BMPER: variants seen among roughly 807,000 people sequenced by gnomAD.
BMPER encodes the protein BMP binding endothelial regulator.
BMPER carries 45 observed loss-of-function variants against 87.3 expected under a neutral mutation model. The ratio of observed to expected loss-of-function variants is 0.52; its 90% CI spans 0.41 to 0.66. The LOEUF is 0.66. Among genes scored for constraint, BMPER ranks in the 30% least tolerant of loss-of-function variants. The pLI is 0.00. For synonymous variants in BMPER, 326 were observed against 316.2 expected (o/e 1.03, Z -0.33); for missense variants, 784 against 867.5 (o/e 0.90, Z 1.21).
At chr7:33,958,917 G>C (rs890159637) in intron 3 of BMPER, among the ~76,000 whole-genome samples, 3 of 152,126 alleles carry the variant, frequency 2.0e-5, no homozygotes, top group Non-Finnish European at 4.4e-5. Flanking sequence ...TAATTGAATG[G>C]TGGGGGCAGT....
intron 11 of BMPER, among the ~76,000 whole-genome samples, chr7:34,073,667 A>G (rs900595565): frequency 6.6e-6 from 1 of 152,254 alleles, no homozygotes; most frequent in Admixed American, 6.5e-5. Flanking sequence ...AAGGAAGAAA[A>G]TAATATATCA....
At chr7:33,943,784 G>C (rs1312864781) in intron 3 of BMPER, among the ~76,000 whole-genome samples, 1 of 152,036 alleles carries the variant, frequency 6.6e-6, no homozygotes, top group East Asian at 1.9e-4. Flanking sequence ...CCATCTAACG[G>C]ATTCCCCCAC....
chr7:34,024,384 A>ATATATAT (rs1787293391), intron 6 of BMPER, among the ~76,000 whole-genome samples: 1 of 23,430 alleles, frequency 4.3e-5, no homozygotes, highest in African/African-American at 2.1e-4. Context: ...AAAAAAAAAC[A>ATATATAT]ATATATATAT....
rs143888903 is a variant in BMPER, at chr7:34,132,532, A to C, written c.1746-10698A>C. On this transcript the variant is annotated intron_variant, in intron 13 of 14. Coordinates refer to ENST00000649409, the MANE Select transcript of BMPER (RefSeq NM_001365308.1). ...CCAGCCCACAGGTTGCACACAGCGG[A>C]TATTCTCTTGGTGTTTGTTGAGGGG... is the stretch of plus-strand genomic sequence containing the variant. 2.4e-4 allele frequency among the ~76,000 whole-genome samples: 37 copies of C among 152,274 alleles called. No homozygotes were observed. The East Asian group carries it at 7.1e-3, about 29-fold the overall frequency.
intron 11 of BMPER, among the ~76,000 whole-genome samples, chr7:34,064,363 C>G (rs1180573364): frequency 6.6e-6 from 1 of 151,806 alleles, no homozygotes; most frequent in African/African-American, 2.4e-5. Context: ...TTGCAAGGAT[C>G]AAATAGGTGA....
chr7:33,941,751 C>T (rs542443639), intron 3 of BMPER, among the ~76,000 whole-genome samples: 31 of 152,272 alleles, frequency 2.0e-4, no homozygotes, highest in South Asian at 1.9e-3. Context: ...GATGAAGCTT[C>T]GCTCATTTGC....
chr7:34,093,944 G>A (rs1417635500), intron 13 of BMPER, among the ~76,000 whole-genome samples: 1 of 152,124 alleles, frequency 6.6e-6, no homozygotes, highest in East Asian at 1.9e-4. Context: ...GCTGACATGA[G>A]GAGTGTTTTC....
chr7:34,004,997 G>C (rs770117966), intron 6 of BMPER, among the ~76,000 whole-genome samples: 5 of 152,082 alleles, frequency 3.3e-5, no homozygotes, highest in East Asian at 1.9e-4. Context: ...TCAGTATCTT[G>C]TTAACTCCTG....
intron 6 of BMPER, among the ~76,000 whole-genome samples, chr7:33,999,897 C>T (rs1234867423): frequency 6.6e-6 from 1 of 152,196 alleles, no homozygotes; most frequent in Non-Finnish European, 1.5e-5. Flanking sequence ...ATTCTCAGAA[C>T]TTAAAAGGCC....
In BMPER at chr7:34,046,210, T is replaced by C. The variant is rs1048468446; in HGVS notation, c.577-96T>C. 2.1e-5 allele frequency: 24 copies of C among 1,169,816 alleles called. No individual in the cohort carries two copies. In the African/African-American group the frequency reaches 3.5e-4, roughly 17 times the overall value. The allele number at this position is 1,169,816 out of a possible 1,614,324, so 72.5% of individuals were successfully genotyped here. ...AGCAGTCAGTCTAGGGACCTAATACTATGGAAGGGCCTTAGGTTTGTTCTA... is the reference window on the plus strand; with the variant it reads ...AGCAGTCAGTCTAGGGACCTAATACCATGGAAGGGCCTTAGGTTTGTTCTA... On this transcript the variant is annotated intron_variant, in intron 6 of 14. Coordinates refer to ENST00000649409, the MANE Select transcript of BMPER (RefSeq NM_001365308.1).
At chr7:34,134,083 G>T (rs964295083) in intron 13 of BMPER, among the ~76,000 whole-genome samples, 2 of 152,110 alleles carry the variant, frequency 1.3e-5, no homozygotes, top group Admixed American at 6.5e-5. Flanking sequence ...GGCCCATCTC[G>T]CCCTGCCCTT....
intron 2 of BMPER, 128 bp from the exon 3 acceptor site, chr7:33,937,161 C>T: frequency 2.1e-6 from 2 of 935,458 alleles, no homozygotes; most frequent in African/African-American, 1.6e-5. Context: ...CCTATTTGCT[C>T]TCACAGCGTC....
At chr7:34,113,421 T>G (rs1790031998) in intron 13 of BMPER, among the ~76,000 whole-genome samples, 1 of 152,022 alleles carries the variant, frequency 6.6e-6, no homozygotes. Flanking sequence ...TGCCCCTAGA[T>G]TAAATAAAAA....
At chr7:33,948,934 T>TGAGA (rs370365732) in intron 3 of BMPER, among the ~76,000 whole-genome samples, 19 of 146,586 alleles carry the variant, frequency 1.3e-4, no homozygotes, top group Admixed American at 2.1e-4. Context: ...AGAGAGAAAG[T>TGAGA]GAGAGAGAGA....
intron 6 of BMPER, among the ~76,000 whole-genome samples, chr7:34,006,850 G>A (rs761189056): frequency 3.3e-4 from 50 of 152,088 alleles, no homozygotes; most frequent in Non-Finnish European, 5.7e-4. Context: ...CAATCAATCT[G>A]TGTTTTGATG....
At chr7:34,142,568 A>G (rs556709978) in intron 13 of BMPER, among the ~76,000 whole-genome samples, 1 of 152,334 alleles carries the variant, frequency 6.6e-6, no homozygotes, top group East Asian at 1.9e-4. Context: ...AATTCTGTTC[A>G]TCTTGCAGTC....
intron 13 of BMPER, among the ~76,000 whole-genome samples, chr7:34,090,183 C>T (rs1254183684): frequency 5.9e-5 from 9 of 152,172 alleles, no homozygotes; most frequent in Non-Finnish European, 4.4e-5. Context: ...TTAGATAACC[C>T]TCTTTAATAA....
chr7:34,095,048 A>T (rs2127980538), intron 13 of BMPER, among the ~76,000 whole-genome samples: 1 of 152,354 alleles, frequency 6.6e-6, no homozygotes, highest in South Asian at 2.1e-4. Flanking sequence ...AATAAACACA[A>T]ACACTTTGGA....
intron 13 of BMPER, among the ~76,000 whole-genome samples, chr7:34,128,084 T>C (rs955253410): frequency 6.6e-6 from 1 of 152,362 alleles, no homozygotes; most frequent in African/African-American, 2.4e-5. Flanking sequence ...CATTGATTTC[T>C]CGTGATGTCT....
Sources: allele counts gnomAD v4.1 joint callset (sites outside exome capture counted in the v4.1 genomes callset), GRCh38; gene constraint gnomAD v4.1.1; transcripts MANE v1.5; gene names NCBI Gene and HGNC (gene_info 2026-07-23, HGNC 2026-07-21).